The following INTU variants were observed in gnomAD, a reference collection of about 807,000 sequenced individuals.
INTU encodes inturned planar cell polarity protein.
A neutral mutation model predicts 100.5 loss-of-function variants in INTU; 68 were observed. The observed-to-expected ratio is 0.68, with a 90% CI of 0.56 to 0.83. The LOEUF (loss-of-function observed/expected upper bound fraction) is 0.83. Among genes scored for constraint, INTU ranks in the 40% least tolerant of loss-of-function variants. The probability of loss-of-function intolerance (pLI) is 0.00; values close to 1 mark genes in which losing one functional copy is unlikely to be tolerated. For missense variants in INTU, 1,071 were observed against 1,114.7 expected (o/e 0.96, Z 0.56); for synonymous variants, 357 against 395.7 (o/e 0.90, Z 1.16).
chr4:127,639,946 A>G (rs964322659), intron 1 of INTU, among the ~76,000 whole-genome samples: 3 of 152,170 alleles, frequency 2.0e-5, no homozygotes, highest in Non-Finnish European at 2.9e-5. Flanking sequence ...CCTCTGGAGT[A>G]GAAATAAAGA....
At chr4:127,669,273 A>G (rs895635361) in intron 5 of INTU, 119 bp downstream of exon 5, 1 of 506,568 alleles carries the variant, frequency 2.0e-6, no homozygotes, top group East Asian at 3.1e-5. Context: ...TGTATGTATT[A>G]TATACATTAT....
intron 1 of INTU, among the ~76,000 whole-genome samples, chr4:127,636,704 A>G (rs993515804): frequency 6.6e-6 from 1 of 151,900 alleles, no homozygotes; most frequent in African/African-American, 2.4e-5. Context: ...GTTACATCAT[A>G]TCCCCAACTC....
intron 14 of INTU, 89 bp from the exon 15 acceptor site, chr4:127,713,847 G>T: frequency 1.1e-6 from 1 of 901,304 alleles, no homozygotes; most frequent in Non-Finnish European, 1.6e-6. Flanking sequence ...TGAAGTATTT[G>T]GATCAGCCAA....
At position 127,684,399 on chromosome 4, in the gene INTU, G is replaced by A; in HGVS notation, c.1182-10G>A. Reference sequence around the variant, plus strand: ...GTTGTAAATTAATACGTGTAATTTTGCTTTTTTAGAGTTCCTCTTCCTCGT... The same window carrying A: ...GTTGTAAATTAATACGTGTAATTTTACTTTTTTAGAGTTCCTCTTCCTCGT... On this transcript the variant is annotated splice_polypyrimidine_tract_variant and intron_variant, in intron 6 of 15. Coordinates refer to ENST00000335251, the MANE Select transcript of INTU (RefSeq NM_015693.4). 1 of 1,517,002 alleles carries A rather than the reference G, an allele frequency of 6.6e-7. No individual in the cohort carries two copies. The highest frequency in any genetic ancestry group is 9.0e-7 in the Non-Finnish European group (1 of 1,105,312). The allele number at this position is 1,517,002 out of a possible 1,614,324, so 94.0% of individuals were successfully genotyped here.
intron 4 of INTU, among the ~76,000 whole-genome samples, chr4:127,667,097 A>G (rs1299015626): frequency 6.6e-6 from 1 of 152,206 alleles, no homozygotes; most frequent in Non-Finnish European, 1.5e-5. Context: ...TGTTATATAA[A>G]ACATAAAACA....
At chr4:127,655,131 T>A (rs540443942) in intron 2 of INTU, among the ~76,000 whole-genome samples, 3 of 152,222 alleles carry the variant, frequency 2.0e-5, no homozygotes, top group African/African-American at 7.2e-5. Flanking sequence ...CATCTAAATT[T>A]TTTTCAAAGT....
At chr4:127,647,777 G>T (rs1727654362) in intron 2 of INTU, among the ~76,000 whole-genome samples, 1 of 152,044 alleles carries the variant, frequency 6.6e-6, no homozygotes, top group Non-Finnish European at 1.5e-5. Context: ...TATACCCAAA[G>T]ACAACATTTT....
intron 6 of INTU, among the ~76,000 whole-genome samples, chr4:127,680,954 A>G (rs1266130459): frequency 6.6e-6 from 1 of 152,106 alleles, no homozygotes; most frequent in Non-Finnish European, 1.5e-5. Flanking sequence ...CTTATATACC[A>G]ATAACAGACA....
In INTU at chr4:127,704,371, A is replaced by G. The variant is rs1578630183; in HGVS notation, c.1566+81A>G. On this transcript the variant is annotated intron_variant, in intron 10 of 15. Transcript: ENST00000335251. ...TTCAAAACTTTTACAAACATGAAAAATACATTTATCTCTTTTCTTTCAAAT... is the reference window on the plus strand; with the variant it reads ...TTCAAAACTTTTACAAACATGAAAAGTACATTTATCTCTTTTCTTTCAAAT... The G allele has an allele frequency of 5.0e-6, 5 of 1,008,312 alleles. No homozygotes were observed. In the East Asian group the frequency reaches 1.2e-4, roughly 24 times the overall value. The allele number at this position is 1,008,312 out of a possible 1,614,324, so 62.5% of individuals were successfully genotyped here.
chr4:127,633,360 C>T lies in INTU; in HGVS notation c.146+180C>T, dbSNP rs565735369. ...GGTGGTGTGAGCAGAAATGACGATG[C>T]CATTCTTTGCTACTGTAGGTTGTTT... On this transcript the variant is annotated intron_variant, in intron 1 of 15. Transcript: ENST00000335251. Among the ~76,000 whole-genome samples the T allele has an allele frequency of 8.5e-5, 13 of 152,192 alleles. No individual in the cohort carries two copies. In the South Asian group the frequency reaches 2.5e-3, roughly 29 times the overall value.
chr4:127,654,589 C>G (rs13238742), intron 2 of INTU, among the ~76,000 whole-genome samples: 2,943 of 152,054 alleles, frequency 0.019, 97 homozygotes, highest in African/African-American at 0.067. Context: ...TGCCGAGAGA[C>G]CCGCTGTTAG....
chr4:127,690,102 T>A (rs932196701), intron 8 of INTU, among the ~76,000 whole-genome samples: 6 of 152,218 alleles, frequency 3.9e-5, no homozygotes, highest in Non-Finnish European at 7.3e-5. Context: ...AGAATTTAGA[T>A]ACATTAAATA....
At position 127,726,489 on chromosome 4, in the gene INTU, A is replaced by T. The variant is rs1731417918; in HGVS notation, c.*10053A>T. The T allele has an allele frequency of 6.6e-6, 1 of 152,232 alleles. No individual in the cohort carries two copies. The highest frequency in any genetic ancestry group is 1.5e-5 in the Non-Finnish European group (1 of 68,046). 9.4% of individuals were successfully genotyped at this position (152,232 alleles called of 1,614,324 possible). Reference sequence around the variant, plus strand: ...GGTTGAAAAACCAAGTAGTCAGCTAAATCATACCTGCTACTGTACAAAATG... The same window carrying T: ...GGTTGAAAAACCAAGTAGTCAGCTATATCATACCTGCTACTGTACAAAATG... On this transcript the variant is annotated 3_prime_UTR_variant, in exon 16 of 16. Transcript: ENST00000335251.
chr4:127,709,712 C>CACACACAG (rs35162567), intron 13 of INTU, among the ~76,000 whole-genome samples: 2,723 of 17,934 alleles, frequency 0.15, 93 homozygotes, highest in African/African-American at 0.31. Context: ...TAATAGAATT[C>CACACACAG]ACACACACAC....
At chr4:127,709,248 G>C (rs1731003252) in intron 13 of INTU, among the ~76,000 whole-genome samples, 1 of 152,214 alleles carries the variant, frequency 6.6e-6, no homozygotes, top group African/African-American at 2.4e-5. Context: ...CCAAGCTTCA[G>C]AGTACACAGT....
chr4:127,678,181 A>G (rs375866130), intron 6 of INTU, among the ~76,000 whole-genome samples: 37 of 152,124 alleles, frequency 2.4e-4, no homozygotes, highest in East Asian at 5.8e-4. Context: ...CACTCTGCAG[A>G]ATATTATCCA....
At chr4:127,674,040 A>G (rs550864021) in intron 5 of INTU, 84 bp from the exon 6 acceptor site, 9 of 814,612 alleles carry the variant, frequency 1.1e-5, no homozygotes, top group Non-Finnish European at 1.5e-5. Context: ...AAATCATACC[A>G]TATGCAATCT....
Position 127,726,648 on chromosome 4 carries a change from G to A in INTU, c.*10212G>A, listed in dbSNP as rs1381792034. The A allele has an allele frequency of 6.6e-6, 1 of 152,094 alleles. No individual in the cohort carries two copies. Among genetic ancestry groups the A allele is most frequent in the Non-Finnish European group, 1.5e-5 (1 of 68,026 alleles). 9.4% of individuals were successfully genotyped at this position (152,094 alleles called of 1,614,324 possible). A position where few individuals can be genotyped will look rare whatever the true frequency, so the allele number is the denominator to read the frequency against. On this transcript the variant is annotated 3_prime_UTR_variant, in exon 16 of 16. Transcript: ENST00000335251. ...AAACTGTATGAAATAATTTAATTTT[G>A]CAGTTGTGTTTCTATATTCTATGTA...
intron 3 of INTU, 46 bp downstream of exon 3, chr4:127,656,767 A>G (rs773102920): frequency 2.1e-5 from 25 of 1,180,322 alleles, no homozygotes; most frequent in Non-Finnish European, 2.8e-5. Context: ...CATAAAATAA[A>G]TATATAAATA....
Sources: allele counts gnomAD v4.1 joint callset (sites outside exome capture counted in the v4.1 genomes callset), GRCh38; gene constraint gnomAD v4.1.1; transcripts MANE v1.5; gene names NCBI Gene and HGNC (gene_info 2026-07-23, HGNC 2026-07-21).